Variants in RRN3 observed in about 807,000 individuals in gnomAD.
RRN3 encodes RNA polymerase I transcription factor RRN3, also known as RNA polymerase I-specific transcription initiation factor RRN3.
Under a neutral mutation model 82.3 loss-of-function variants are expected in RRN3, and 38 were observed. The observed-to-expected ratio is 0.46, with a 90% CI of 0.36 to 0.61. RRN3 has a LOEUF of 0.61. Ranked by LOEUF, RRN3 falls within the 20% of genes least tolerant of loss-of-function variation. The probability of loss-of-function intolerance (pLI) is 0.00; values close to 1 mark genes in which losing one functional copy is unlikely to be tolerated. For synonymous variants in RRN3, 284 were observed against 284.3 expected (o/e 1.00, Z 0.01); for missense variants, 726 against 793.1 (o/e 0.92, Z 1.02).
intron 7 of RRN3, 126 bp downstream of exon 7, chr16:15,084,516 G>A: frequency 1.6e-6 from 1 of 644,150 alleles, no homozygotes; most frequent in Non-Finnish European, 2.7e-6. Context: ...GTTTCCTCAA[G>A]TGGATACAAA....
At chr16:15,087,277 T>C (rs1332493520) in intron 3 of RRN3, among the ~76,000 whole-genome samples, 1 of 152,232 alleles carries the variant, frequency 6.6e-6, no homozygotes, top group African/African-American at 2.4e-5. Flanking sequence ...CCAGGCATGG[T>C]GCCTGACACT....
At chr16:15,086,518 T>C (rs1463287420) in intron 3 of RRN3, 64 bp from the exon 4 acceptor site, 1 of 1,591,922 alleles carries the variant, frequency 6.3e-7, no homozygotes, top group African/African-American at 1.4e-5. Context: ...AATTTACAGC[T>C]ATCTTATATC....
chr16:15,074,747 T>G lies in RRN3; in HGVS notation c.973A>C (p.Met325Leu). The change falls in exon 11 of 18, where the codon ATG becomes CTG. Residue 325 changes from methionine (M) to leucine (L), a missense_variant. Physicochemically the swap from Met to Leu is conservative, Grantham distance 15. This residue lies in a region of RRN3 where 344 missense variants were observed against 394.5 expected (regional missense o/e 0.87). Coordinates refer to ENST00000198767, the MANE Select transcript of RRN3 (RefSeq NM_018427.5). Reference sequence around the variant, plus strand: ...CCATCTACATAGCAGACATCCTTCATGTAGGACAAAACCAAAGACATCAGG... The same window carrying G: ...CCATCTACATAGCAGACATCCTTCAGGTAGGACAAAACCAAAGACATCAGG... ...DILMSLVLSY[M>L]KDVCYVDGKV... 6.2e-7 allele frequency: 1 copy of G among 1,613,942 alleles called. No individual in the cohort carries two copies. Among genetic ancestry groups the G allele is most frequent in the Non-Finnish European group, 8.5e-7 (1 of 1,179,954 alleles).
intron 8 of RRN3, among the ~76,000 whole-genome samples, chr16:15,082,340 T>C (rs1443328871): frequency 1.3e-5 from 2 of 152,188 alleles, no homozygotes. Flanking sequence ...TCCTTTGTTC[T>C]ATTGCTACAA....
intron 8 of RRN3, among the ~76,000 whole-genome samples, chr16:15,080,376 A>G (rs1015844580): frequency 1.3e-5 from 2 of 152,246 alleles, no homozygotes; most frequent in African/African-American, 4.8e-5. Context: ...AACTTAAAGT[A>G]TACAATTTAA....
At position 15,071,146 on chromosome 16, in the gene RRN3, C is replaced by T. The variant is rs771539827; in HGVS notation, c.1234G>A (p.Ala412Thr). 4 of 1,609,146 alleles carry T rather than the reference C, an allele frequency of 2.5e-6. No homozygotes were observed. The highest frequency in any genetic ancestry group is 1.1e-5 in the South Asian group (1 of 90,124). The change falls in exon 13 of 18, where the codon GCA becomes ACA. Residue 412 changes from alanine (A) to threonine (T), a missense_variant. Ala to Thr is a moderately conservative substitution (Grantham distance 58). This residue lies in a region of RRN3 where 81 missense variants were observed against 156.4 expected (regional missense o/e 0.52). Coordinates refer to ENST00000198767, the MANE Select transcript of RRN3 (RefSeq NM_018427.5). ...ATAAGAGGAATAAATTTAGCTCTTGCCAAAAAGCTTCCAATATAATTTCCA... is the reference window on the plus strand; with the variant it reads ...ATAAGAGGAATAAATTTAGCTCTTGTCAAAAAGCTTCCAATATAATTTCCA... Reference protein sequence around the residue: ...AAGNYIGSFLARAKFIPLITV... With the variant: ...AAGNYIGSFLTRAKFIPLITV...
intron 14 of RRN3, among the ~76,000 whole-genome samples, chr16:15,068,736 T>C (rs1242316519): frequency 2.0e-5 from 3 of 152,202 alleles, no homozygotes; most frequent in Admixed American, 2.0e-4. Flanking sequence ...GTTTTTTTTC[T>C]AAACAAGAAA....
At chr16:15,075,064 A>G (rs1435153650) in intron 10 of RRN3, among the ~76,000 whole-genome samples, 2 of 151,990 alleles carry the variant, frequency 1.3e-5, no homozygotes, top group Non-Finnish European at 2.9e-5. Context: ...AGCCTGGCCA[A>G]CATGGTAAAA....
At chr16:15,085,903 A>G (rs2045899687) in intron 5 of RRN3, among the ~76,000 whole-genome samples, 1 of 152,184 alleles carries the variant, frequency 6.6e-6, no homozygotes, top group African/African-American at 2.4e-5. Context: ...AAAAATTCCT[A>G]GATTTCACCA....
chr16:15,093,155 C>T (rs536357327), intron 1 of RRN3, among the ~76,000 whole-genome samples: 2 of 152,284 alleles, frequency 1.3e-5, no homozygotes, highest in South Asian at 2.1e-4. Context: ...CAGGCACCTG[C>T]CACCATGCCC....
chr16:15,085,982 G>T (rs973225981), intron 5 of RRN3, 147 bp downstream of exon 5: 2 of 673,448 alleles, frequency 3.0e-6, no homozygotes, highest in Non-Finnish European at 2.6e-6. Context: ...CTCCATAGGG[G>T]TCATTACGGG....
Position 15,076,594 on chromosome 16 carries a change from A to G in RRN3, c.822T>C (p.Cys274=). 6.2e-7 allele frequency: 1 copy of G among 1,613,474 alleles called. No individual in the cohort carries two copies. Among genetic ancestry groups the G allele is most frequent in the South Asian group, 1.1e-5 (1 of 91,070 alleles). Residue 274 remains cysteine, a synonymous_variant, in exon 10 of 18, where the codon TGT becomes TGC. Coordinates refer to ENST00000198767, the MANE Select transcript of RRN3 (RefSeq NM_018427.5). The part of the protein sequence containing the change: ...EDAEETATQT[C]GGTDSTEGLF... ...ATCCTTCCGTGGAATCTGTCCCACC[A>G]CAAGTTTGAGTTGCTGTTTCTTCAG...
In RRN3 at chr16:15,094,256, T is replaced by A. The variant is rs763154726; in HGVS notation, c.-23A>T. 8 of 1,544,152 alleles carry A rather than the reference T, an allele frequency of 5.2e-6. No individual in the cohort carries two copies. The highest frequency in any genetic ancestry group is 2.4e-5 in the South Asian group (2 of 84,282). On this transcript the variant is annotated 5_prime_UTR_variant, in exon 1 of 18. Coordinates refer to ENST00000198767, the MANE Select transcript of RRN3 (RefSeq NM_018427.5). ...CATTGGGCCGAACTAACGCGACCGC[T>A]GCGCCTCAGGCCGGATGCCCAGCTC...
intron 5 of RRN3, 128 bp from the exon 6 acceptor site, chr16:15,085,826 A>G: frequency 5.1e-6 from 7 of 1,374,772 alleles, no homozygotes; most frequent in Non-Finnish European, 6.9e-6. Context: ...ATCCAAAGTT[A>G]GCCCAATGAT....
chr16:15,061,850 T>C lies in RRN3; in HGVS notation c.1850A>G (p.Asp617Gly), dbSNP rs749987481. 2 of 1,614,148 alleles carry C rather than the reference T, an allele frequency of 1.2e-6. No homozygotes were observed. Among genetic ancestry groups the C allele is most frequent in the Admixed American group, 1.7e-5 (1 of 60,034 alleles). Reference sequence around the variant, plus strand: ...GCTTGGTGTGATCCCAATCACGGTATCATTCTGGGGCACTTCGCCTTTCAG... The same window carrying C: ...GCTTGGTGTGATCCCAATCACGGTACCATTCTGGGGCACTTCGCCTTTCAG... The part of the protein sequence containing the change: ...DFLKGEVPQN[D>G]TVIGITPSSF... Residue 617 changes from aspartate to glycine, a missense_variant, in exon 18 of 18, where the codon GAT becomes GGT. Coordinates refer to ENST00000198767, the MANE Select transcript of RRN3 (RefSeq NM_018427.5).
chr16:15,094,076 A>C lies in RRN3; in HGVS notation c.89+69T>G, dbSNP rs2046251204. 17 of 1,385,104 alleles carry C rather than the reference A, an allele frequency of 1.2e-5. 1 individual carries two copies. In the South Asian group the frequency reaches 2.1e-4, roughly 17 times the overall value. The allele number at this position is 1,385,104 out of a possible 1,614,324, so 85.8% of individuals were successfully genotyped here. On this transcript the variant is annotated intron_variant, in intron 1 of 17. Transcript: ENST00000198767. ...ATGAGCTTTGTCCCACATCCTTTCA[A>C]TCCGCTCCTCTAAGCGCCGTCCTGA...
At chr16:15,065,059 G>A (rs1401461638) in intron 16 of RRN3, among the ~76,000 whole-genome samples, 160 bp downstream of exon 16, 1 of 151,914 alleles carries the variant, frequency 6.6e-6, no homozygotes, top group Non-Finnish European at 1.5e-5. Flanking sequence ...CCAGCTACTC[G>A]GGAGGCTGAG....
At chr16:15,074,603 C>T in intron 11 of RRN3, 120 bp downstream of exon 11, 1 of 694,402 alleles carries the variant, frequency 1.4e-6, no homozygotes, top group Non-Finnish European at 2.2e-6. Context: ...ATCTTAAACT[C>T]ATACTCAATA....
At chr16:15,081,766 T>C (rs895522789) in intron 8 of RRN3, among the ~76,000 whole-genome samples, 1 of 152,186 alleles carries the variant, frequency 6.6e-6, no homozygotes, top group East Asian at 1.9e-4. Context: ...ATCATGAAAA[T>C]GTACTCGTTT....
Sources: gnomAD v4.1 joint callset for allele counts (sites outside exome capture counted in the v4.1 genomes callset) on GRCh38, gnomAD v4.1.1 for gene constraint, gnomAD v4.1.1 regional missense constraint, MANE v1.5 for transcripts, NCBI Gene and HGNC (gene_info 2026-07-23, HGNC 2026-07-21) for gene names.